The following POU6F2 variants were observed in gnomAD, a reference collection of about 807,000 sequenced individuals.
POU6F2 encodes POU domain, class 6, transcription factor 2.
In POU6F2, 31 loss-of-function variants were observed where a neutral mutation model predicts 71.3. The ratio of observed to expected loss-of-function variants is 0.43; its 90% CI spans 0.33 to 0.59. The LOEUF (loss-of-function observed/expected upper bound fraction) is 0.59. POU6F2 is among the 20% of genes least tolerant of loss of function. The pLI, the probability that POU6F2 is intolerant of heterozygous loss-of-function variation, is 0.04. For missense variants in POU6F2, 783 were observed against 856.8 expected (o/e 0.91, Z 1.07); for synonymous variants, 347 against 355.7 (o/e 0.98, Z 0.27).
At chr7:39,139,651 C>T (rs111934428) in intron 2 of POU6F2, among the ~76,000 whole-genome samples, 5 of 152,200 alleles carry the variant, frequency 3.3e-5, no homozygotes, top group African/African-American at 1.2e-4. Context: ...TTTCAGAAGC[C>T]AGGCTGGGAA....
At chr7:39,018,285 GA>G (rs1789606287) in intron 1 of POU6F2, among the ~76,000 whole-genome samples, 1 of 152,076 alleles carries the variant, frequency 6.6e-6, no homozygotes, top group Admixed American at 6.6e-5. Context: ...ATCATTCTCA[GA>G]AATGCTCTCT....
At chr7:39,019,189 T>G (rs1380724079) in intron 1 of POU6F2, among the ~76,000 whole-genome samples, 1 of 152,206 alleles carries the variant, frequency 6.6e-6, no homozygotes, top group Non-Finnish European at 1.5e-5. Flanking sequence ...GACTTTATTT[T>G]GTCTCTACTC....
At chr7:39,040,704 A>T (rs1378283774) in intron 1 of POU6F2, among the ~76,000 whole-genome samples, 1 of 151,896 alleles carries the variant, frequency 6.6e-6, no homozygotes, top group Non-Finnish European at 1.5e-5. Flanking sequence ...TTATTTTTCA[A>T]TGATAAAATA....
At chr7:39,179,125 C>T (rs139940046) in intron 2 of POU6F2, among the ~76,000 whole-genome samples, 120 of 152,268 alleles carry the variant, frequency 7.9e-4, no homozygotes, top group Middle Eastern at 3.4e-3. Flanking sequence ...ATAGCATTAT[C>T]AGTCAGTGAA....
At chr7:38,996,329 C>T (rs1166526542) in intron 1 of POU6F2, among the ~76,000 whole-genome samples, 1 of 151,744 alleles carries the variant, frequency 6.6e-6, no homozygotes, top group Non-Finnish European at 1.5e-5. Context: ...ATGTGAGCCA[C>T]TGCACCCAGC....
chr7:39,303,825 A>C (rs1583510198), intron 4 of POU6F2, among the ~76,000 whole-genome samples: 2 of 152,278 alleles, frequency 1.3e-5, no homozygotes, highest in African/African-American at 2.4e-5. Flanking sequence ...AATTCTTCTC[A>C]GAGGGAAAAA....
intron 5 of POU6F2, among the ~76,000 whole-genome samples, chr7:39,402,597 T>C (rs890149011): frequency 1.3e-5 from 2 of 152,128 alleles, no homozygotes; most frequent in Non-Finnish European, 2.9e-5. Flanking sequence ...TGTCTTCTCT[T>C]GCTGTCACCT....
intron 2 of POU6F2, among the ~76,000 whole-genome samples, chr7:39,195,923 TTCTC>T (rs899228017): frequency 8.6e-5 from 13 of 151,926 alleles, no homozygotes; most frequent in Non-Finnish European, 1.6e-4. Context: ...CAAAACGCTC[TTCTC>T]TCTCTCTCTC....
intron 6 of POU6F2, among the ~76,000 whole-genome samples, chr7:39,419,045 A>G (rs1170949382): frequency 1.7e-4 from 25 of 146,686 alleles, no homozygotes; most frequent in Middle Eastern, 7.2e-3. Flanking sequence ...ATACATATAT[A>G]TGTATACACA....
chr7:39,069,655 T>C (rs12531476), intron 1 of POU6F2, among the ~76,000 whole-genome samples: 36,680 of 152,110 alleles, frequency 0.24, 4,650 homozygotes, highest in South Asian at 0.38. Flanking sequence ...CGATTAACAC[T>C]TATTTAGTAT....
chr7:39,394,636 A>G (rs1159126945), intron 5 of POU6F2, among the ~76,000 whole-genome samples: 1 of 152,218 alleles, frequency 6.6e-6, no homozygotes. Context: ...TTCAGAGCAT[A>G]GCCAGCTTTC....
At chr7:39,042,386 T>G (rs1790209432) in intron 1 of POU6F2, among the ~76,000 whole-genome samples, 1 of 151,870 alleles carries the variant, frequency 6.6e-6, no homozygotes, top group African/African-American at 2.4e-5. Flanking sequence ...GGTGGAAAAG[T>G]GATGTATGTC....
intron 4 of POU6F2, among the ~76,000 whole-genome samples, chr7:39,307,840 G>C (rs1785076487): frequency 2.0e-5 from 3 of 152,004 alleles, no homozygotes; most frequent in Admixed American, 2.0e-4. Context: ...TGTAGTCCCA[G>C]CTACTCAGAG....
chr7:39,446,164 C>T (rs956961892), intron 7 of POU6F2, among the ~76,000 whole-genome samples: 1 of 152,200 alleles, frequency 6.6e-6, no homozygotes, highest in African/African-American at 2.4e-5. Flanking sequence ...GTAATGATGC[C>T]CTTCCCACAT....
chr7:39,118,088 C>A (rs1791970934), intron 2 of POU6F2, among the ~76,000 whole-genome samples: 1 of 152,136 alleles, frequency 6.6e-6, no homozygotes. Flanking sequence ...TTTCCCATGT[C>A]TCCAATTAGC....
chr7:39,322,994 G>A (rs959447602), intron 4 of POU6F2, among the ~76,000 whole-genome samples: 16 of 151,848 alleles, frequency 1.1e-4, no homozygotes, highest in Non-Finnish European at 2.4e-4. Context: ...TAGGTAGGAA[G>A]AATAAGCTGA....
In POU6F2 at chr7:39,092,882, C is replaced by T. The variant is rs145076268; in HGVS notation, c.277+6851C>T. Among the ~76,000 whole-genome samples the T allele has an allele frequency of 4.2e-3, 644 of 152,198 alleles. 8 individuals are homozygous for T. The highest frequency in any genetic ancestry group is 0.015 in the African/African-American group (618 of 41,544). On this transcript the variant is annotated intron_variant, in intron 2 of 9. Transcript: ENST00000518318. ...TTGAGGCTAAAGAAAGTTTGTCATT[C>T]GCAGAGAAATGGAAATTAACTTTGT...
chr7:39,060,148 C>T (rs981642540), intron 1 of POU6F2, among the ~76,000 whole-genome samples: 2 of 151,376 alleles, frequency 1.3e-5, no homozygotes, highest in Admixed American at 1.3e-4. Flanking sequence ...GCAGAGGTGG[C>T]AATGAGCCAA....
intron 4 of POU6F2, among the ~76,000 whole-genome samples, chr7:39,296,090 A>G (rs1784839297): frequency 6.6e-6 from 1 of 152,212 alleles, no homozygotes; most frequent in Non-Finnish European, 1.5e-5. Flanking sequence ...AAACTTAGAG[A>G]TATCTATTAA....
Sources: allele counts gnomAD v4.1 joint callset (sites outside exome capture counted in the v4.1 genomes callset), GRCh38; gene constraint gnomAD v4.1.1; transcripts MANE v1.5; gene names NCBI Gene and HGNC (gene_info 2026-07-23, HGNC 2026-07-21).